The following MGAM variants were observed in gnomAD, a reference collection of about 807,000 sequenced individuals.
MGAM encodes the protein alpha-1,4-glucosidase.
MGAM carries 253 observed loss-of-function variants against 358.8 expected under a neutral mutation model. That is an observed-to-expected ratio of 0.71 (90% CI 0.64 to 0.78). The LOEUF is 0.78. MGAM is among the 30% of genes least tolerant of loss of function. MGAM has a pLI of 0.00. For synonymous variants in MGAM, 1,105 were observed against 1,227.1 expected, an observed-to-expected ratio of 0.90 and a Z score of 2.08; for missense variants, 3,080 against 3,432.6, an observed-to-expected ratio of 0.90 and a Z score of 2.57.
At chr7:142,058,562 C>A (rs1295274301) in intron 31 of MGAM, among the ~76,000 whole-genome samples, 1 of 152,204 alleles carries the variant, frequency 6.6e-6, no homozygotes, top group Admixed American at 6.5e-5. Context: ...TAGGCTGGCT[C>A]CAGGGCTCTT....
chr7:142,046,019 A>T (rs1191062825), intron 21 of MGAM, among the ~76,000 whole-genome samples: 2 of 126,472 alleles, frequency 1.6e-5, no homozygotes, highest in African/African-American at 3.5e-5. Context: ...TTATGTATAC[A>T]TACAATATGT....
At chr7:142,083,858 T>A (rs1814538855) in intron 53 of MGAM, among the ~76,000 whole-genome samples, 1 of 142,396 alleles carries the variant, frequency 7.0e-6, no homozygotes, top group Non-Finnish European at 1.6e-5. Context: ...GTGACGATGA[T>A]GGGGTGGTGA....
rs1815694214 is a variant in MGAM at position 142,094,410 on chromosome 7, T to A, written c.7219T>A (p.Ser2407Thr). ...ACAGCGAGGGGTCGTCATCACCCGC[T>A]CCACATTTCCCTCTTCTGGCCGCTG... The part of the protein sequence containing the change: ...TGQRGVVITR[S>T]TFPSSGRWAG... The change falls in exon 61 of 71, where the codon TCC (serine) becomes ACC (threonine). Residue 2407 changes from serine to threonine, a missense_variant. Physicochemically the swap from Ser to Thr is moderately conservative, Grantham distance 58 (BLOSUM62 1). Coordinates refer to ENST00000475668, the MANE Select transcript of MGAM (RefSeq NM_001365693.1). 1.3e-6 allele frequency: 2 copies of A among 1,534,760 alleles called. No individual in the cohort carries two copies. The highest frequency in any genetic ancestry group is 2.7e-5 in the African/African-American group (2 of 74,188).
rs1212453371 is a variant in MGAM, at chr7:142,049,245, TATTC to T, written c.2588-983_2588-980del. Among the ~76,000 whole-genome samples the T allele has an allele frequency of 2.0e-5, 3 of 152,212 alleles. No individual in the cohort carries two copies. In the South Asian group the frequency reaches 6.2e-4, roughly 32 times the overall value. On this transcript the variant is annotated intron_variant, in intron 22 of 70. Coordinates refer to ENST00000475668, the MANE Select transcript of MGAM (RefSeq NM_001365693.1). The stretch of plus-strand genomic sequence containing the variant: ...TTGTATATATATACCACAATTTCTT[TATTC>T]ATTCATCCATTGATGGACACTTAGG...
In MGAM at chr7:142,059,766, G is replaced by A. The variant is rs1477551038; in HGVS notation, c.3949-90G>A. On this transcript the variant is annotated intron_variant, in intron 32 of 70. Coordinates refer to ENST00000475668, the MANE Select transcript of MGAM (RefSeq NM_001365693.1). ...AACTCTACTGTGCAGGTAGAAGCCAGCGAGTTCACCCTTGAGGAGTTCTCC... is the reference window on the plus strand; with the variant it reads ...AACTCTACTGTGCAGGTAGAAGCCAACGAGTTCACCCTTGAGGAGTTCTCC... 1.1e-5 allele frequency: 18 copies of A among 1,567,736 alleles called. No homozygotes were observed. The Middle Eastern group carries it at 1.3e-3, about 117-fold the overall frequency.
intron 46 of MGAM, 129 bp from the exon 47 acceptor site, chr7:142,076,530 A>C (rs1168248626): frequency 1.1e-6 from 1 of 934,684 alleles, no homozygotes; most frequent in African/African-American, 1.6e-5. Flanking sequence ...AGCAGACACT[A>C]GTAGAGAAAG....
intron 43 of MGAM, 97 bp from the exon 44 acceptor site, chr7:142,070,897 T>C (rs1813287473): frequency 6.9e-7 from 1 of 1,444,530 alleles, no homozygotes; most frequent in Non-Finnish European, 9.6e-7. Context: ...TGAACAGGCA[T>C]AAGTTCAGAG....
chr7:142,030,580 G>A (rs2129003264), intron 11 of MGAM, 61 bp from the exon 12 acceptor site: 2 of 1,605,866 alleles, frequency 1.2e-6, no homozygotes, highest in East Asian at 4.5e-5. Flanking sequence ...CCAGTTCCCA[G>A]TCTCCTTTCA....
At chr7:142,040,546 C>A (rs906568137) in intron 20 of MGAM, 176 bp from the exon 21 acceptor site, 13 of 805,442 alleles carry the variant, frequency 1.6e-5, no homozygotes, top group Non-Finnish European at 1.9e-5. Flanking sequence ...AAACCCCCAA[C>A]TGGTAGCAGA....
At chr7:142,092,403 G>GCTT (rs1338424069) in intron 58 of MGAM, 118 bp from the exon 59 acceptor site, 1 of 1,056,408 alleles carries the variant, frequency 9.5e-7, no homozygotes, top group East Asian at 2.6e-5. Context: ...AGCTCCCAGG[G>GCTT]CTGGCATCTA....
chr7:142,105,390 T>A (rs1434024512), intron 70 of MGAM, among the ~76,000 whole-genome samples: 1 of 151,910 alleles, frequency 6.6e-6, no homozygotes, highest in African/African-American at 2.4e-5. Flanking sequence ...CAAGTTCAAG[T>A]GATTCTCCTG....
At chr7:142,006,865 GA>G (rs1156229639) in intron 2 of MGAM, among the ~76,000 whole-genome samples, 3 of 152,104 alleles carry the variant, frequency 2.0e-5, no homozygotes, top group Non-Finnish European at 2.9e-5. Context: ...ATTAGGGCAT[GA>G]AAAAATTAAT....
rs556857567 is a variant in MGAM at position 142,037,486 on chromosome 7, T to A, written c.2231+509T>A. Among the ~76,000 whole-genome samples, 10 of 152,298 alleles carry A rather than the reference T, an allele frequency of 6.6e-5. No homozygotes were observed. In the South Asian group the frequency reaches 2.1e-3, roughly 32 times the overall value. Reference sequence around the variant, plus strand: ...GCAATGAACATCTCTAATTTAATTCTAAAACAAGGCACTTAAGAGCATTTT... The same window carrying A: ...GCAATGAACATCTCTAATTTAATTCAAAAACAAGGCACTTAAGAGCATTTT... On this transcript the variant is annotated intron_variant, in intron 18 of 70. Coordinates refer to ENST00000475668, the MANE Select transcript of MGAM (RefSeq NM_001365693.1).
chr7:142,071,454 T>C (rs1303566699), intron 44 of MGAM, among the ~76,000 whole-genome samples: 2 of 146,600 alleles, frequency 1.4e-5, no homozygotes, highest in African/African-American at 4.9e-5. Context: ...CAGTAGATTT[T>C]GAAAGACTGT....
chr7:142,045,145 T>A lies in MGAM; in HGVS notation c.2499-2640T>A, dbSNP rs1460869066. Among the ~76,000 whole-genome samples, 34 of 81,170 alleles carry A rather than the reference T, an allele frequency of 4.2e-4. 2 individuals carry two copies. Among genetic ancestry groups the A allele is most frequent in the East Asian group, 6.1e-4 (2 of 3,286 alleles). 53.3% of individuals were successfully genotyped at this position (81,170 alleles called of 152,430 possible). Reference sequence around the variant, plus strand: ...TGATATATAATATGTATATTATATATCATATATGTGATATATAATATATAT... The same window carrying A: ...TGATATATAATATGTATATTATATAACATATATGTGATATATAATATATAT... On this transcript the variant is annotated intron_variant, in intron 21 of 70. Transcript: ENST00000475668.
intron 37 of MGAM, among the ~76,000 whole-genome samples, chr7:142,065,045 A>G (rs1812585365): frequency 1.3e-5 from 2 of 152,186 alleles, no homozygotes; most frequent in Admixed American, 6.5e-5. Flanking sequence ...TCAAATATAG[A>G]AAACTAAGTA....
rs116863299 is a variant in MGAM, at chr7:142,019,433, A to T, written c.448+114A>T. On this transcript the variant is annotated intron_variant, in intron 4 of 70. Transcript: ENST00000475668. ...CTGTGGGGCCATATAACCACATGTG[A>T]CAGAAGGTGGGCATTGCTCTTAATC... 7,154 of 1,156,622 alleles carry T rather than the reference A, an allele frequency of 6.2e-3. 363 individuals are homozygous for T. The East Asian group carries it at 0.13, about 21-fold the overall frequency. The allele number at this position is 1,156,622 out of a possible 1,614,324, so 71.6% of individuals were successfully genotyped here. A position where few individuals can be genotyped will look rare whatever the true frequency, so the allele number is the denominator to read the frequency against.
chr7:142,087,619 G>A lies in MGAM; in HGVS notation c.6810+902G>A, dbSNP rs373527725. 8.2e-5 allele frequency among the ~76,000 whole-genome samples: 12 copies of A among 146,524 alleles called. 1 individual carries two copies. The South Asian group carries it at 2.0e-3, about 24-fold the overall frequency. ...CTTTCTGGGCAGGAATTGTAGCAGGGCATGTGTAGCCTATGTGACCCCCAC... is the reference window on the plus strand; with the variant it reads ...CTTTCTGGGCAGGAATTGTAGCAGGACATGTGTAGCCTATGTGACCCCCAC... On this transcript the variant is annotated intron_variant, in intron 57 of 70. Coordinates refer to ENST00000475668, the MANE Select transcript of MGAM (RefSeq NM_001365693.1).
rs10248179 is a variant in MGAM at position 142,023,603 on chromosome 7, C to T, written c.882+1164C>T. Among the ~76,000 whole-genome samples the T allele has an allele frequency of 2.9e-3, 446 of 152,086 alleles. 4 individuals carry two copies. The highest frequency in any genetic ancestry group is 0.01 in the African/African-American group (416 of 41,482). On this transcript the variant is annotated intron_variant, in intron 7 of 70. Coordinates refer to ENST00000475668, the MANE Select transcript of MGAM (RefSeq NM_001365693.1). The stretch of plus-strand genomic sequence containing the variant: ...TGTAAGAACAAGAATGGCCTGAACC[C>T]GGGAGGTGGACCTTGCAATGAGCCG...
Sources: allele counts gnomAD v4.1 joint callset (sites outside exome capture counted in the v4.1 genomes callset), GRCh38; gene constraint gnomAD v4.1.1; transcripts MANE v1.5; gene names NCBI Gene and HGNC (gene_info 2026-07-23, HGNC 2026-07-21).